The following PIGU variants were observed in gnomAD, a reference collection of about 807,000 sequenced individuals.
PIGU encodes phosphatidylinositol glycan anchor biosynthesis class U, also known as GPI-anchor transamidase component PIGU.
PIGU carries 24 observed loss-of-function variants against 49.9 expected under a neutral mutation model. The ratio of observed to expected loss-of-function variants is 0.48; its 90% CI spans 0.35 to 0.68. The LOEUF (loss-of-function observed/expected upper bound fraction) is 0.68. PIGU is among the 30% of genes least tolerant of loss of function. The pLI, the probability that PIGU is intolerant of heterozygous loss-of-function variation, is 0.01. For synonymous variants in PIGU, 220 were observed against 205.7 expected, an observed-to-expected ratio of 1.07 and a Z score of -0.59; for missense variants, 490 against 532.6, an observed-to-expected ratio of 0.92 and a Z score of 0.79.
intron 6 of PIGU, among the ~76,000 whole-genome samples, chr20:34,634,239 T>C (rs367798357): frequency 2.9e-4 from 44 of 152,064 alleles, no homozygotes; most frequent in Middle Eastern, 3.4e-3. Context: ...GCCAGGCTAA[T>C]TTTTTTATGT....
chr20:34,639,437 A>G (rs1428365722), intron 4 of PIGU, among the ~76,000 whole-genome samples: 1 of 152,096 alleles, frequency 6.6e-6, no homozygotes, highest in African/African-American at 2.4e-5. Context: ...GTTATTTAGT[A>G]ACATATATAA....
intron 1 of PIGU, among the ~76,000 whole-genome samples, chr20:34,660,857 C>A (rs186454792): frequency 5.6e-4 from 85 of 152,202 alleles, no homozygotes; most frequent in African/African-American, 1.8e-3. Flanking sequence ...ATTAGTGGGG[C>A]AAATTGATAA....
At chr20:34,625,019 T>C (rs1469798354) in intron 6 of PIGU, among the ~76,000 whole-genome samples, 2 of 152,198 alleles carry the variant, frequency 1.3e-5, no homozygotes, top group East Asian at 1.9e-4. Context: ...TATCGTCTTA[T>C]CAATCAAGTT....
At chr20:34,569,248 G>C (rs1002220723) in intron 11 of PIGU, among the ~76,000 whole-genome samples, 4 of 152,072 alleles carry the variant, frequency 2.6e-5, no homozygotes, top group African/African-American at 9.7e-5. Flanking sequence ...ATTTTTTTGA[G>C]ATAGCATTTT....
chr20:34,613,327 T>A (rs1356935706), intron 7 of PIGU, among the ~76,000 whole-genome samples: 3 of 152,218 alleles, frequency 2.0e-5, no homozygotes, highest in African/African-American at 7.2e-5. Context: ...ATGTCTGCAG[T>A]CTGGCATAGT....
intron 11 of PIGU, among the ~76,000 whole-genome samples, chr20:34,566,771 T>C (rs550631019): frequency 5.9e-5 from 9 of 152,256 alleles, no homozygotes; most frequent in Admixed American, 4.6e-4. Flanking sequence ...TCCTGAGTTC[T>C]TCCACAACCC....
intron 7 of PIGU, among the ~76,000 whole-genome samples, chr20:34,614,675 AATGACATATC>A (rs1984942322): frequency 6.6e-6 from 1 of 152,198 alleles, no homozygotes; most frequent in Admixed American, 6.5e-5. Flanking sequence ...TGACAATATA[AATGACATATC>A]TCAAACATAA....
intron 8 of PIGU, 35 bp from the exon 9 acceptor site, chr20:34,585,615 C>G (rs768193876): frequency 6.2e-7 from 1 of 1,604,652 alleles, no homozygotes; most frequent in Non-Finnish European, 8.5e-7. Context: ...AGAAAAAAGA[C>G]AAAAGTTATA....
intron 7 of PIGU, among the ~76,000 whole-genome samples, chr20:34,596,813 G>A (rs1369000822): frequency 2.0e-5 from 3 of 152,060 alleles, no homozygotes; most frequent in East Asian, 1.9e-4. Flanking sequence ...AACTAATTAC[G>A]ATGGCTGATT....
chr20:34,587,742 C>T (rs1001913933), intron 8 of PIGU, among the ~76,000 whole-genome samples: 3 of 152,136 alleles, frequency 2.0e-5, no homozygotes, highest in Non-Finnish European at 4.4e-5. Context: ...AGAACACATG[C>T]GGTATTTGTC....
chr20:34,615,074 G>A (rs1008865631), intron 7 of PIGU, among the ~76,000 whole-genome samples: 10 of 152,164 alleles, frequency 6.6e-5, no homozygotes, highest in Non-Finnish European at 1.5e-4. Context: ...AATGTCATTC[G>A]CTGGTCCTGT....
chr20:34,582,401 C>T (rs959343609), intron 9 of PIGU, among the ~76,000 whole-genome samples: 1 of 152,168 alleles, frequency 6.6e-6, no homozygotes, highest in African/African-American at 2.4e-5. Flanking sequence ...AATCCTGGGC[C>T]AGGCGCAGTG....
chr20:34,582,432 C>G (rs1339780263), intron 9 of PIGU, among the ~76,000 whole-genome samples: 1 of 152,150 alleles, frequency 6.6e-6, no homozygotes. Flanking sequence ...GTAATCCTAG[C>G]ACTTCGGGAG....
At chr20:34,655,004 CAAA>C (rs368336960) in intron 2 of PIGU, among the ~76,000 whole-genome samples, 2 of 76,528 alleles carry the variant, frequency 2.6e-5, no homozygotes. Context: ...GACTCTGTCT[CAAA>C]AAAAAAAAAA....
At chr20:34,624,896 G>A (rs1405035452) in intron 6 of PIGU, among the ~76,000 whole-genome samples, 1 of 152,098 alleles carries the variant, frequency 6.6e-6, no homozygotes, top group African/African-American at 2.4e-5. Context: ...GGAAGCCAGG[G>A]GAAAGCAAGC....
At chr20:34,582,705 T>A (rs1485894025) in intron 9 of PIGU, among the ~76,000 whole-genome samples, 1 of 151,342 alleles carries the variant, frequency 6.6e-6, no homozygotes, top group African/African-American at 2.4e-5. Context: ...AAGTAGGCAA[T>A]CCTCTCACCT....
At chr20:34,661,667 T>C (rs2146789384) in intron 1 of PIGU, among the ~76,000 whole-genome samples, 2 of 152,278 alleles carry the variant, frequency 1.3e-5, no homozygotes, top group South Asian at 4.2e-4. Context: ...AATACTGCTG[T>C]GATGAACATA....
At chr20:34,658,943 G>A (rs1214865336) in intron 1 of PIGU, among the ~76,000 whole-genome samples, 1 of 147,744 alleles carries the variant, frequency 6.8e-6, no homozygotes, top group Non-Finnish European at 1.5e-5. Flanking sequence ...GTCCGGGAGG[G>A]AGGCGGAGGG....
chr20:34,560,570 A>C lies in PIGU; in HGVS notation c.*296T>G. The C allele has an allele frequency of 2.7e-6, 1 of 376,906 alleles. No homozygotes were observed. Among genetic ancestry groups the C allele is most frequent in the East Asian group, 4.3e-5 (1 of 23,364 alleles). The allele number at this position is 376,906 out of a possible 1,614,324, so 23.3% of individuals were successfully genotyped here. ...ACTTCATAACAAAAAACATTTATTA[A>C]GTAGCCACAATCTAACAAGCCCTGC... On this transcript the variant is annotated 3_prime_UTR_variant, in exon 12 of 12. Coordinates refer to ENST00000217446, the MANE Select transcript of PIGU (RefSeq NM_080476.5).
Sources: gnomAD v4.1 joint callset for allele counts (sites outside exome capture counted in the v4.1 genomes callset) on GRCh38, gnomAD v4.1.1 for gene constraint, MANE v1.5 for transcripts, NCBI Gene and HGNC (gene_info 2026-07-23, HGNC 2026-07-21) for gene names.